MGAM: variants seen among roughly 807,000 people sequenced by gnomAD.
The protein encoded by MGAM is maltase-glucoamylase.
In MGAM, 253 loss-of-function variants were observed where a neutral mutation model predicts 358.8. That is an observed-to-expected ratio of 0.71 (90% confidence interval 0.64 to 0.78). The LOEUF (loss-of-function observed/expected upper bound fraction) is 0.78. Among genes scored for constraint, MGAM ranks in the 30% least tolerant of loss-of-function variants. MGAM has a pLI of 0.00. For synonymous variants in MGAM, 1,105 were observed against 1,227.1 expected, an observed-to-expected ratio of 0.90 and a Z score of 2.08; for missense variants, 3,080 against 3,432.6, an observed-to-expected ratio of 0.90 and a Z score of 2.57.
At chr7:142,015,781 G>C (rs1554455899) in intron 3 of MGAM, among the ~76,000 whole-genome samples, 1 of 151,926 alleles carries the variant, frequency 6.6e-6, no homozygotes, top group African/African-American at 2.4e-5. Context: ...CATTTAGTAA[G>C]ATACTTGTTG....
chr7:142,100,699 C>T (rs1816366179), intron 67 of MGAM, 103 bp from the exon 68 acceptor site: 2 of 944,962 alleles, frequency 2.1e-6, no homozygotes, highest in South Asian at 1.4e-5. Context: ...CAGTCTTTAT[C>T]CCCCAAAGCA....
chr7:142,060,086 T>C, intron 33 of MGAM, 120 bp downstream of exon 33: 1 of 1,303,666 alleles, frequency 7.7e-7, no homozygotes, highest in South Asian at 1.4e-5. Context: ...ATTTGGGCTC[T>C]GAGGTCAGAA....
At chr7:142,055,508 CAG>C (rs914331176) in intron 27 of MGAM, 48 bp from the exon 28 acceptor site, 7 of 1,610,566 alleles carry the variant, frequency 4.3e-6, no homozygotes, top group Middle Eastern at 1.7e-4. Flanking sequence ...CTGCTGGAAA[CAG>C]AGATAAAAGC....
chr7:142,010,005 C>G (rs1360569563), intron 3 of MGAM, among the ~76,000 whole-genome samples: 3 of 152,130 alleles, frequency 2.0e-5, no homozygotes, highest in Non-Finnish European at 2.9e-5. Flanking sequence ...TTTTATCATT[C>G]TTATCATCTG....
chr7:142,060,144 A>G (rs1196005675), intron 33 of MGAM, among the ~76,000 whole-genome samples, 167 bp from the exon 34 acceptor site: 1 of 152,252 alleles, frequency 6.6e-6, no homozygotes, highest in Admixed American at 6.5e-5. Flanking sequence ...AACGACTTTT[A>G]AGGTAATGTA....
At chr7:142,030,998 T>C (rs1349457695) in intron 12 of MGAM, among the ~76,000 whole-genome samples, 2 of 152,022 alleles carry the variant, frequency 1.3e-5, no homozygotes, top group Non-Finnish European at 2.9e-5. Context: ...ACACACTGAG[T>C]GTCCACTTTC....
Position 142,028,108 on chromosome 7 carries a change from G to A in MGAM, c.1221+373G>A, listed in dbSNP as rs79036106. Among the ~76,000 whole-genome samples, 723 of 152,158 alleles carry A rather than the reference G, an allele frequency of 4.8e-3. 7 individuals carry two copies. Among genetic ancestry groups the A allele is most frequent in the African/African-American group, 0.017 (696 of 41,514 alleles). Reference sequence around the variant, plus strand: ...ATTTGTCTCTTTAGCTTGAATTGTAGCATTTTAATGCTTCTCAGTATGGAT... The same window carrying A: ...ATTTGTCTCTTTAGCTTGAATTGTAACATTTTAATGCTTCTCAGTATGGAT... On this transcript the variant is annotated intron_variant, in intron 10 of 70. Transcript: ENST00000475668.
At chr7:142,088,126 G>A (rs1370697254) in intron 57 of MGAM, among the ~76,000 whole-genome samples, 1 of 146,398 alleles carries the variant, frequency 6.8e-6, no homozygotes, top group Non-Finnish European at 1.5e-5. Context: ...AGGGAGAACA[G>A]ATGGTACTGC....
At position 142,040,885 on chromosome 7, in the gene MGAM, CT is replaced by C. The variant is rs749013055; in HGVS notation, c.2498+41del. On this transcript the variant is annotated intron_variant, in intron 21 of 70. Transcript: ENST00000475668. ...GGAGTGTCCTTTCAGAATTCATGTCCTTGCTTAAACCCTTTGAATTTCTTTT... is the reference window on the plus strand; with the variant it reads ...GGAGTGTCCTTTCAGAATTCATGTCCTGCTTAAACCCTTTGAATTTCTTTT... The C allele has an allele frequency of 1.9e-6, 3 of 1,573,276 alleles. No individual in the cohort carries two copies. In the South Asian group the frequency reaches 3.6e-5, roughly 19 times the overall value.
In MGAM at chr7:142,066,043, A is replaced by G. The variant is rs1238786506; in HGVS notation, c.4770+212A>G. On this transcript the variant is annotated intron_variant, in intron 40 of 70. Coordinates refer to ENST00000475668, the MANE Select transcript of MGAM (RefSeq NM_001365693.1). ...CAGTGTCCCAATCATGGCTGACTGC[A>G]GCCTCCACCTCTGGGGCTAAAGCGA... Among the ~76,000 whole-genome samples, 5 of 141,906 alleles carry G rather than the reference A, an allele frequency of 3.5e-5. 1 individual carries two copies. Among genetic ancestry groups the G allele is most frequent in the Admixed American group, 7.2e-5 (1 of 13,884 alleles). 93.1% of individuals were successfully genotyped at this position (141,906 alleles called of 152,430 possible).
Position 142,082,130 on chromosome 7 carries a change from G to A in MGAM, c.6091G>A (p.Gly2031Arg), listed in dbSNP as rs1302705266. 2.4e-5 allele frequency: 37 copies of A among 1,555,570 alleles called. 7 individuals are homozygous for A. The highest frequency in any genetic ancestry group is 2.6e-5 in the Non-Finnish European group (30 of 1,132,442). Residue 2031 changes from glycine to arginine, a missense_variant, in exon 51 of 71, where the codon GGG becomes AGG. By Grantham distance (125) the Gly-to-Arg change is moderately radical. Around this residue, in one of 5 missense-constraint regions of MGAM, gnomAD observed 932 missense variants for 1,198.2 expected, o/e 0.78. Transcript: ENST00000475668. ...TCCCTCCAAGTACCTCTATGGCTTTGGGGAGACTGAGCACACGTCCTACAG... is the reference window on the plus strand; with the variant it reads ...TCCCTCCAAGTACCTCTATGGCTTTAGGGAGACTGAGCACACGTCCTACAG... ...RLPSKYLYGF[G>R]ETEHTSYRRD...
intron 18 of MGAM, among the ~76,000 whole-genome samples, chr7:142,037,181 C>T (rs563130418): frequency 1.3e-5 from 2 of 152,290 alleles, no homozygotes; most frequent in South Asian, 2.1e-4. Flanking sequence ...TTGTAAGCAT[C>T]GCCTGTTCCC....
chr7:142,079,100 A>G lies in MGAM; in HGVS notation c.5847+92A>G, dbSNP rs1241360155. ...AGGTCACACAACCCTAAAATAAGTT[A>G]ATCATGCTACATTAGACTATGTCAT... On this transcript the variant is annotated intron_variant, in intron 49 of 70. Coordinates refer to ENST00000475668, the MANE Select transcript of MGAM (RefSeq NM_001365693.1). 30 of 1,140,656 alleles carry G rather than the reference A, an allele frequency of 2.6e-5. 4 individuals are homozygous for G. In the East Asian group the frequency reaches 7.7e-4, roughly 29 times the overall value. 70.7% of individuals were successfully genotyped at this position (1,140,656 alleles called of 1,614,324 possible).
rs1189323744 is a variant in MGAM, at chr7:142,091,902, CT to C, written c.6811-5del. Reference sequence around the variant, plus strand: ...TGTGTGGGACAAAGAAATTATATTTCTTTTTTATAGCTATATCGAGCTTATG... The same window carrying C: ...TGTGTGGGACAAAGAAATTATATTTCTTTTTATAGCTATATCGAGCTTATG... On this transcript the variant is annotated splice_polypyrimidine_tract_variant and intron_variant, in intron 57 of 70. Coordinates refer to ENST00000475668, the MANE Select transcript of MGAM (RefSeq NM_001365693.1). The C allele has an allele frequency of 7.1e-7, 1 of 1,417,420 alleles. No homozygotes were observed. Among genetic ancestry groups the C allele is most frequent in the East Asian group, 2.4e-5 (1 of 41,546 alleles). The allele number at this position is 1,417,420 out of a possible 1,614,324, so 87.8% of individuals were successfully genotyped here.
chr7:142,073,866 A>G (rs1813532798), intron 44 of MGAM, among the ~76,000 whole-genome samples: 1 of 146,016 alleles, frequency 6.8e-6, no homozygotes, highest in South Asian at 2.2e-4. Flanking sequence ...CTTGCCTCCA[A>G]CGTAGATGTT....
At chr7:142,051,309 C>T (rs1439491907) in intron 24 of MGAM, among the ~76,000 whole-genome samples, 1 of 152,030 alleles carries the variant, frequency 6.6e-6, no homozygotes, top group African/African-American at 2.4e-5. Flanking sequence ...CAAGCAGTCT[C>T]ATATTGATCC....
chr7:141,991,723 C>T (rs781602667), upstream of MGAM, among the ~76,000 whole-genome samples: 27 of 152,148 alleles, frequency 1.8e-4, no homozygotes, highest in Non-Finnish European at 2.9e-4. Flanking sequence ...GCGTGAGCCA[C>T]CACACCTGGC....
At chr7:142,040,934 G>A in intron 21 of MGAM, 88 bp downstream of exon 21, 1 of 1,468,210 alleles carries the variant, frequency 6.8e-7, no homozygotes, top group Non-Finnish European at 9.1e-7. Flanking sequence ...ACAGCCAGGT[G>A]GTCAGCCTCT....
rs747161910 is a variant in MGAM at position 142,071,066 on chromosome 7, C to T, written c.5134C>T (p.Arg1712Cys). The change falls in exon 44 of 71, where the codon CGT (arginine) becomes TGT (cysteine). Residue 1712 changes from arginine (R) to cysteine (C), a missense_variant. Arg to Cys is a radical substitution (Grantham distance 180). Coordinates refer to ENST00000475668, the MANE Select transcript of MGAM (RefSeq NM_001365693.1). ...APLDHINLHV[R>C]GGYILPWQEP... ...TCTTGACCACATTAATCTTCATGTCCGTGGGGGCTACATCCTGCCCTGGCA... is the reference window on the plus strand; with the variant it reads ...TCTTGACCACATTAATCTTCATGTCTGTGGGGGCTACATCCTGCCCTGGCA... 18 of 1,556,180 alleles carry T rather than the reference C, an allele frequency of 1.2e-5. 2 individuals are homozygous for T. The highest frequency in any genetic ancestry group is 1.7e-5 in the Admixed American group (1 of 58,482).
Sources: allele counts gnomAD v4.1 joint callset (sites outside exome capture counted in the v4.1 genomes callset), GRCh38; gene constraint gnomAD v4.1.1; regional missense constraint gnomAD v4.1.1; transcripts MANE v1.5; gene names NCBI Gene and HGNC (gene_info 2026-07-23, HGNC 2026-07-21).